CNGB3: variants seen among roughly 807,000 people sequenced by gnomAD.
CNGB3 encodes the protein cyclic nucleotide gated channel subunit beta 3, also known as cyclic nucleotide-gated channel beta-3.
In CNGB3, 86 loss-of-function variants were observed where a neutral mutation model predicts 92.8. That is an observed-to-expected ratio of 0.93 (90% CI 0.78 to 1.11). The LOEUF (loss-of-function observed/expected upper bound fraction) is 1.11. Among genes scored for constraint, CNGB3 ranks in the 50% least tolerant of loss-of-function variants. The probability of loss-of-function intolerance (pLI) is 0.00; values close to 1 mark genes in which losing one functional copy is unlikely to be tolerated. For synonymous variants in CNGB3, 333 were observed against 332.7 expected (o/e 1.00, Z -0.01); for missense variants, 1,026 against 956.8 (o/e 1.07, Z -0.95).
intron 3 of CNGB3, among the ~76,000 whole-genome samples, chr8:86,698,682 G>A (rs1824495009): frequency 1.3e-5 from 2 of 152,168 alleles, no homozygotes; most frequent in South Asian, 4.1e-4. Context: ...ATGATAGAGT[G>A]AGGTAGGTGG....
rs1270721426 is a variant in CNGB3 at position 86,587,733 on chromosome 8, T to G, written c.1782-8481A>C. On this transcript the variant is annotated intron_variant, in intron 15 of 17. Coordinates refer to ENST00000320005, the MANE Select transcript of CNGB3 (RefSeq NM_019098.5). ...GGTACCAGTACCATGCTGTTTTGGT[T>G]ACTGTAGCCTTGTAGTATAGTTTGA... 2.7e-5 allele frequency among the ~76,000 whole-genome samples: 4 copies of G among 149,746 alleles called. 1 individual carries two copies.
At chr8:86,602,545 C>T (rs115328021) in intron 15 of CNGB3, among the ~76,000 whole-genome samples, 2,639 of 152,148 alleles carry the variant, frequency 0.017, 72 homozygotes, top group African/African-American at 0.06. Context: ...GAATGTTGTC[C>T]CTATAATTCA....
At chr8:86,687,381 T>A (rs1824209236) in intron 3 of CNGB3, among the ~76,000 whole-genome samples, 1 of 152,024 alleles carries the variant, frequency 6.6e-6, no homozygotes, top group Non-Finnish European at 1.5e-5. Context: ...TGGCACATGC[T>A]ATAATATGGA....
intron 2 of CNGB3, among the ~76,000 whole-genome samples, chr8:86,737,786 G>A (rs1480620478): frequency 6.6e-6 from 1 of 152,122 alleles, no homozygotes; most frequent in Non-Finnish European, 1.5e-5. Context: ...ATCTTTATAT[G>A]TGTACTTAAT....
chr8:86,635,861 TATACACATAC>T (rs1313478206), intron 10 of CNGB3, among the ~76,000 whole-genome samples: 1 of 66,270 alleles, frequency 1.5e-5, no homozygotes, highest in Admixed American at 2.0e-4. Context: ...TATATATATA[TATACACATAC>T]ACATATACTT....
At chr8:86,734,279 G>C (rs1292884609) in intron 2 of CNGB3, among the ~76,000 whole-genome samples, 1 of 152,122 alleles carries the variant, frequency 6.6e-6, no homozygotes, top group Admixed American at 6.5e-5. Context: ...ATAGGGACCT[G>C]GGCAAGGCTG....
intron 3 of CNGB3, among the ~76,000 whole-genome samples, chr8:86,706,693 G>C (rs531854408): frequency 6.6e-6 from 1 of 152,302 alleles, no homozygotes; most frequent in South Asian, 2.1e-4. Context: ...TCGTGTCCTA[G>C]ACTCTGGAGG....
At chr8:86,580,391 T>C (rs940439661) in intron 15 of CNGB3, among the ~76,000 whole-genome samples, 1 of 152,202 alleles carries the variant, frequency 6.6e-6, no homozygotes, top group Non-Finnish European at 1.5e-5. Flanking sequence ...CTCACTTGAG[T>C]GTGTCTGTTT....
intron 15 of CNGB3, among the ~76,000 whole-genome samples, chr8:86,581,595 T>A (rs1317574753): frequency 6.6e-6 from 1 of 152,200 alleles, no homozygotes; most frequent in Non-Finnish European, 1.5e-5. Context: ...TTTTTCCCAA[T>A]GCAGCCCCTT....
intron 15 of CNGB3, chr8:86,594,655 C>T: frequency 1.0e-5 from 2 of 191,950 alleles, no homozygotes; most frequent in Middle Eastern, 1.8e-3. Context: ...GGGATGTCTG[C>T]AGGCCCAGCC....
rs539765775 is a variant in CNGB3 at position 86,597,630 on chromosome 8, A to T, written c.1781+6463T>A. ...TAGAATGTGCAAAAAACTCCCTGTG[A>T]CTGGATAGAGTGTGGTGCATTCAAG... On this transcript the variant is annotated intron_variant, in intron 15 of 17. Transcript: ENST00000320005. 9.9e-5 allele frequency among the ~76,000 whole-genome samples: 15 copies of T among 152,232 alleles called. No homozygotes were observed. The South Asian group carries it at 1.0e-3, about 11-fold the overall frequency.
chr8:86,727,801 T>G (rs1242602413), intron 2 of CNGB3, among the ~76,000 whole-genome samples: 1 of 152,176 alleles, frequency 6.6e-6, no homozygotes, highest in Non-Finnish European at 1.5e-5. Context: ...ATCATCATTT[T>G]ATTTTCTTGT....
intron 3 of CNGB3, among the ~76,000 whole-genome samples, chr8:86,689,578 AT>A (rs1449597739): frequency 6.8e-6 from 1 of 147,320 alleles, no homozygotes; most frequent in African/African-American, 2.5e-5. Flanking sequence ...ATTTTTTATT[AT>A]ACTGTAAGTT....
intron 3 of CNGB3, among the ~76,000 whole-genome samples, chr8:86,722,000 A>G (rs1563766402): frequency 6.6e-6 from 1 of 152,192 alleles, no homozygotes; most frequent in African/African-American, 2.4e-5. Context: ...GATTGCTATT[A>G]TGAACAAAGA....
chr8:86,653,098 T>C (rs1823437913), intron 7 of CNGB3, among the ~76,000 whole-genome samples: 1 of 152,072 alleles, frequency 6.6e-6, no homozygotes, highest in South Asian at 2.1e-4. Context: ...TATGGGACCA[T>C]CACCATATAT....
At chr8:86,704,187 T>C (rs1038547121) in intron 3 of CNGB3, 2 of 152,138 alleles carry the variant, frequency 1.3e-5, no homozygotes, top group Non-Finnish European at 2.9e-5. Flanking sequence ...GAAGAGAAAA[T>C]GTTATTAAAA....
chr8:86,733,088 C>A (rs1363434547), intron 2 of CNGB3, among the ~76,000 whole-genome samples: 2 of 151,828 alleles, frequency 1.3e-5, no homozygotes, highest in South Asian at 4.2e-4. Flanking sequence ...TTCAACTCTT[C>A]CCCCCACCTT....
At chr8:86,626,892 G>A (rs775776066) in intron 12 of CNGB3, among the ~76,000 whole-genome samples, 1 of 151,586 alleles carries the variant, frequency 6.6e-6, no homozygotes, top group Non-Finnish European at 1.5e-5. Context: ...ACATGTGCAA[G>A]TTTGTTATAC....
At chr8:86,648,426 A>G (rs933691951) in intron 7 of CNGB3, among the ~76,000 whole-genome samples, 1 of 151,226 alleles carries the variant, frequency 6.6e-6, no homozygotes, top group African/African-American at 2.4e-5. Flanking sequence ...AAAAGTATCT[A>G]TCAGAGCCTG....
Sources: gnomAD v4.1 joint callset for allele counts (sites outside exome capture counted in the v4.1 genomes callset) on GRCh38, gnomAD v4.1.1 for gene constraint, MANE v1.5 for transcripts, NCBI Gene and HGNC (gene_info 2026-07-23, HGNC 2026-07-21) for gene names.